The following FOXP1 variants were observed in gnomAD, a reference collection of about 807,000 sequenced individuals.
FOXP1 encodes forkhead box protein P1.
FOXP1 carries 15 observed loss-of-function variants against 98.2 expected under a neutral mutation model. That is an observed-to-expected ratio of 0.15 (90% CI 0.10 to 0.24). The LOEUF is 0.24. Among genes scored for constraint, FOXP1 ranks in the 10% least tolerant of loss-of-function variants. The probability of loss-of-function intolerance (pLI) is 1.00; values close to 1 mark genes in which losing one functional copy is unlikely to be tolerated. For missense variants in FOXP1, 633 were observed against 848.5 expected (o/e 0.75, Z 3.15); for synonymous variants, 371 against 314.5 (o/e 1.18, Z -1.90).
At chr3:71,181,964 G>A (rs562701828) in intron 6 of FOXP1, among the ~76,000 whole-genome samples, 6 of 151,386 alleles carry the variant, frequency 4.0e-5, no homozygotes, top group Non-Finnish European at 7.4e-5. Flanking sequence ...GAACCTGGGA[G>A]GCAGAGCTTG....
intron 3 of FOXP1, among the ~76,000 whole-genome samples, chr3:71,380,877 C>T (rs926507186): frequency 1.3e-4 from 20 of 151,830 alleles, no homozygotes; most frequent in African/African-American, 4.8e-4. Flanking sequence ...TAGACGCTAT[C>T]GTAGTAGTGT....
chr3:71,018,385 T>C (rs547930796), intron 11 of FOXP1, among the ~76,000 whole-genome samples: 3 of 152,272 alleles, frequency 2.0e-5, no homozygotes, highest in South Asian at 4.2e-4. Context: ...GCTTGTGAAT[T>C]TGTCTCTTAG....
intron 3 of FOXP1, among the ~76,000 whole-genome samples, chr3:71,411,816 T>C (rs2082771341): frequency 6.6e-6 from 1 of 152,216 alleles, no homozygotes; most frequent in African/African-American, 2.4e-5. Flanking sequence ...GCTCTGATCC[T>C]GGGCAAGTCA....
intron 7 of FOXP1, among the ~76,000 whole-genome samples, chr3:71,055,866 T>C (rs2050562246): frequency 6.6e-6 from 1 of 152,178 alleles, no homozygotes. Context: ...AATATAAATA[T>C]TCTTGAGCCA....
chr3:71,216,752 T>TA (rs543291914), intron 5 of FOXP1, among the ~76,000 whole-genome samples: 50 of 150,072 alleles, frequency 3.3e-4, no homozygotes, highest in South Asian at 3.2e-3. Context: ...CACCAGGAAT[T>TA]AAAAAAAAAA....
intron 3 of FOXP1, among the ~76,000 whole-genome samples, chr3:71,436,947 G>C (rs1306169221): frequency 6.6e-6 from 1 of 152,062 alleles, no homozygotes; most frequent in Admixed American, 6.5e-5. Flanking sequence ...TATCAAATTA[G>C]GGAATATTTT....
intron 3 of FOXP1, among the ~76,000 whole-genome samples, chr3:71,474,270 TAGAAA>T (rs1223352509): frequency 1.3e-5 from 2 of 152,080 alleles, no homozygotes; most frequent in African/African-American, 2.4e-5. Flanking sequence ...AAAAGAGGAC[TAGAAA>T]AGAAGAGTAG....
At chr3:71,023,494 T>C (rs1296510878) in intron 11 of FOXP1, among the ~76,000 whole-genome samples, 1 of 152,238 alleles carries the variant, frequency 6.6e-6, no homozygotes, top group Admixed American at 6.5e-5. Flanking sequence ...TACGCTACAA[T>C]GGCAGGCATC....
chr3:71,390,240 ACCT>A (rs1173738502), intron 3 of FOXP1, among the ~76,000 whole-genome samples: 2 of 151,980 alleles, frequency 1.3e-5, no homozygotes, highest in Non-Finnish European at 1.5e-5. Flanking sequence ...GTAACTCAAA[ACCT>A]CCTCTTTCTA....
At chr3:71,036,732 G>A (rs767895264) in intron 11 of FOXP1, among the ~76,000 whole-genome samples, 3 of 152,138 alleles carry the variant, frequency 2.0e-5, no homozygotes, top group Non-Finnish European at 4.4e-5. Flanking sequence ...AGACCAAAAT[G>A]ATTTATAGCT....
chr3:71,564,216 T>C (rs1018432416), intron 2 of FOXP1, among the ~76,000 whole-genome samples: 2 of 152,224 alleles, frequency 1.3e-5, no homozygotes, highest in Non-Finnish European at 2.9e-5. Flanking sequence ...ATGCCACATA[T>C]ACAAGGTAGG....
chr3:71,127,810 A>T (rs868466542), intron 6 of FOXP1, among the ~76,000 whole-genome samples: 7 of 152,212 alleles, frequency 4.6e-5, no homozygotes, highest in African/African-American at 1.7e-4. Flanking sequence ...AGTTAGCATT[A>T]GTCAGGCACT....
At chr3:71,439,731 G>A (rs540161649) in intron 3 of FOXP1, among the ~76,000 whole-genome samples, 1 of 152,246 alleles carries the variant, frequency 6.6e-6, no homozygotes, top group Admixed American at 6.5e-5. Context: ...GTCATTTCAG[G>A]TCAGGAGTTT....
chr3:71,087,717 C>CT (rs1326852851), intron 7 of FOXP1, among the ~76,000 whole-genome samples: 1 of 151,994 alleles, frequency 6.6e-6, no homozygotes, highest in Admixed American at 6.5e-5. Flanking sequence ...TTTATTTTTT[C>CT]TTTTTTTATG....
At chr3:71,484,352 T>C (rs1046657043) in intron 3 of FOXP1, among the ~76,000 whole-genome samples, 11 of 152,198 alleles carry the variant, frequency 7.2e-5, no homozygotes, top group Admixed American at 5.9e-4. Flanking sequence ...CTCTAATACT[T>C]ATTTTTAAAA....
At chr3:71,419,071 C>T (rs2083430069) in intron 3 of FOXP1, among the ~76,000 whole-genome samples, 1 of 151,348 alleles carries the variant, frequency 6.6e-6, no homozygotes, top group African/African-American at 2.4e-5. Context: ...CCCATCTCTA[C>T]TAAAAATACA....
Position 70,956,540 on chromosome 3 carries a change from G to A in FOXP1, c.*2707C>T, listed in dbSNP as rs1355021085. On this transcript the variant is annotated 3_prime_UTR_variant, in exon 21 of 21. Transcript: ENST00000649528. ...CCTAAAGGTTTGAACTGAGGTATGC[G>A]TACTAACAGTTTCTCATGCTGTTAT... 4 of 226,918 alleles carry A rather than the reference G, an allele frequency of 1.8e-5. No homozygotes were observed. Among genetic ancestry groups the A allele is most frequent in the South Asian group, 1.8e-4 (1 of 5,424 alleles). 14.1% of individuals were successfully genotyped at this position (226,918 alleles called of 1,614,324 possible).
Position 70,956,519 on chromosome 3 carries a change from A to C in FOXP1, c.*2728T>G, listed in dbSNP as rs1261565674. The C allele has an allele frequency of 8.7e-6, 2 of 230,672 alleles. No individual in the cohort carries two copies. The highest frequency in any genetic ancestry group is 1.7e-5 in the Non-Finnish European group (2 of 116,590). 14.3% of individuals were successfully genotyped at this position (230,672 alleles called of 1,614,324 possible). On this transcript the variant is annotated 3_prime_UTR_variant, in exon 21 of 21. Transcript: ENST00000649528. ...TTTTTTAAATTTTAATCATTCCCTA[A>C]AGGTTTGAACTGAGGTATGCGTACT...
chr3:71,060,763 G>T (rs1375538579), intron 7 of FOXP1, among the ~76,000 whole-genome samples: 1 of 152,102 alleles, frequency 6.6e-6, no homozygotes, highest in African/African-American at 2.4e-5. Flanking sequence ...TCAGTTATTT[G>T]AACAATGATG....
Sources: allele counts gnomAD v4.1 joint callset (sites outside exome capture counted in the v4.1 genomes callset), GRCh38; gene constraint gnomAD v4.1.1; transcripts MANE v1.5; gene names NCBI Gene and HGNC (gene_info 2026-07-23, HGNC 2026-07-21).